SCAMP2: variants seen among roughly 807,000 people sequenced by gnomAD.
SCAMP2 encodes secretory carrier membrane protein 2.
SCAMP2 carries 25 observed loss-of-function variants against 44.1 expected under a neutral mutation model. The ratio of observed to expected loss-of-function variants is 0.57; its 90% CI spans 0.41 to 0.79. SCAMP2 has a LOEUF of 0.79. Among genes scored for constraint, SCAMP2 ranks in the 30% least tolerant of loss-of-function variants. The probability of loss-of-function intolerance (pLI) is 0.00; values close to 1 mark genes in which losing one functional copy is unlikely to be tolerated. For missense variants in SCAMP2, 355 were observed against 411.0 expected (o/e 0.86, Z 1.18); for synonymous variants, 156 against 166.0 (o/e 0.94, Z 0.46).
chr15:74,848,923 C>G lies in SCAMP2; in HGVS notation c.633-222G>C, dbSNP rs1341940443. Among the ~76,000 whole-genome samples the G allele has an allele frequency of 2.6e-5, 4 of 152,150 alleles. No individual in the cohort carries two copies. The East Asian group carries it at 7.7e-4, about 29-fold the overall frequency. On this transcript the variant is annotated intron_variant, in intron 6 of 8. Transcript: ENST00000268099. ...TGCCTTCCAATTTAAGGGGTCAGTG[C>G]TTGACCCCTTCCTCAAAGAGCTGAT...
chr15:74,853,706 A>T, intron 3 of SCAMP2: 1 of 460,944 alleles, frequency 2.2e-6, no homozygotes, highest in Non-Finnish European at 4.0e-6. Flanking sequence ...AAGAGAGAAC[A>T]AGCCAAAGGC....
chr15:74,850,029 C>T (rs928167685), intron 6 of SCAMP2, among the ~76,000 whole-genome samples: 1 of 152,152 alleles, frequency 6.6e-6, no homozygotes, highest in Non-Finnish European at 1.5e-5. Context: ...AGGTACAATT[C>T]CAGAACCCCT....
At chr15:74,865,018 G>C (rs1380721769) in intron 1 of SCAMP2, among the ~76,000 whole-genome samples, 2 of 145,962 alleles carry the variant, frequency 1.4e-5, no homozygotes, top group Non-Finnish European at 3.0e-5. Context: ...ACCCAGGAGA[G>C]GTGGAGGCTG....
rs1452591366 is a variant in SCAMP2 at position 74,844,999 on chromosome 15, A to G, written c.*84T>C. On this transcript the variant is annotated 3_prime_UTR_variant, in exon 9 of 9. Coordinates refer to ENST00000268099, the MANE Select transcript of SCAMP2 (RefSeq NM_005697.5). ...CCCTGCCAGGTCTGTGCTGGGCACA[A>G]CCACCACCACATAAGGCACCCACGG... 2.0e-6 allele frequency: 3 copies of G among 1,482,264 alleles called. No individual in the cohort carries two copies. Among genetic ancestry groups the G allele is most frequent in the East Asian group, 2.3e-5 (1 of 43,786 alleles). 91.8% of individuals were successfully genotyped at this position (1,482,264 alleles called of 1,614,324 possible). A position where few individuals can be genotyped will look rare whatever the true frequency, so the allele number is the denominator to read the frequency against.
At chr15:74,871,034 T>G (rs1596428142) in intron 1 of SCAMP2, among the ~76,000 whole-genome samples, 2 of 152,168 alleles carry the variant, frequency 1.3e-5, no homozygotes, top group African/African-American at 4.8e-5. Flanking sequence ...ACAAACAAGC[T>G]TCCCTAGAAC....
intron 1 of SCAMP2, among the ~76,000 whole-genome samples, chr15:74,859,156 C>T (rs1234862462): frequency 6.6e-6 from 1 of 152,058 alleles, no homozygotes; most frequent in Non-Finnish European, 1.5e-5. Flanking sequence ...CTAAGTTTCA[C>T]CTACAAGGAG....
intron 1 of SCAMP2, among the ~76,000 whole-genome samples, chr15:74,859,443 A>G (rs893893446): frequency 6.6e-6 from 1 of 152,020 alleles, no homozygotes; most frequent in Non-Finnish European, 1.5e-5. Context: ...GTGGGCTTCA[A>G]GAAAGGCCAG....
At chr15:74,856,844 C>A (rs1453672131) in intron 1 of SCAMP2, among the ~76,000 whole-genome samples, 1 of 152,090 alleles carries the variant, frequency 6.6e-6, no homozygotes, top group East Asian at 1.9e-4. Context: ...GGTCCTCCCA[C>A]CCTGGGCTCC....
At chr15:74,862,851 CAT>C (rs1331046608) in intron 1 of SCAMP2, among the ~76,000 whole-genome samples, 2 of 20,992 alleles carry the variant, frequency 9.5e-5, no homozygotes, top group South Asian at 1.4e-3. Context: ...AAAAACAAAC[CAT>C]ACACACACAC....
chr15:74,846,446 C>CA lies in SCAMP2; in HGVS notation c.735-854dup, dbSNP rs35643920. On this transcript the variant is annotated intron_variant, in intron 7 of 8. Coordinates refer to ENST00000268099, the MANE Select transcript of SCAMP2 (RefSeq NM_005697.5). Reference sequence around the variant, plus strand: ...GAGCAACAGAGTGAGACCCTGTCTCCAAAAAAAAAAAAAAAAGAAAAGAAA... The same window carrying CA: ...GAGCAACAGAGTGAGACCCTGTCTCCAAAAAAAAAAAAAAAAAGAAAAGAAA... 7.9e-3 allele frequency among the ~76,000 whole-genome samples: 859 copies of CA among 109,418 alleles called. 2 individuals carry two copies. The highest frequency in any genetic ancestry group is 0.028 in the Middle Eastern group (6 of 214). 71.8% of individuals were successfully genotyped at this position (109,418 alleles called of 152,430 possible). A position where few individuals can be genotyped will look rare whatever the true frequency, so the allele number is the denominator to read the frequency against.
At chr15:74,855,221 A>G (rs1233345897) in intron 1 of SCAMP2, among the ~76,000 whole-genome samples, 1 of 151,896 alleles carries the variant, frequency 6.6e-6, no homozygotes, top group Non-Finnish European at 1.5e-5. Context: ...CTCCTGCCTC[A>G]GCCTCCTGAG....
rs1406706570 is a variant in SCAMP2, at chr15:74,850,498, C to T, written c.632+16G>A. ...GCCAGCCATAAAGTCTCACCCCTTG[C>T]CCCGGCCTCACTCACCTAAAGGCCT... On this transcript the variant is annotated intron_variant, in intron 6 of 8. Transcript: ENST00000268099. 18 of 1,612,314 alleles carry T rather than the reference C, an allele frequency of 1.1e-5. No homozygotes were observed. Among genetic ancestry groups the T allele is most frequent in the Non-Finnish European group, 1.4e-5 (16 of 1,178,882 alleles).
At chr15:74,867,357 T>A (rs1402659837) in intron 1 of SCAMP2, among the ~76,000 whole-genome samples, 1 of 152,228 alleles carries the variant, frequency 6.6e-6, no homozygotes, top group African/African-American at 2.4e-5. Context: ...TTACCCCAAG[T>A]GTTTCCAAAG....
rs564768518 is a variant in SCAMP2 at position 74,855,416 on chromosome 15, G to A, written c.58-767C>T. Among the ~76,000 whole-genome samples the A allele has an allele frequency of 2.0e-5, 3 of 149,972 alleles. No individual in the cohort carries two copies. The East Asian group carries it at 6.3e-4, about 31-fold the overall frequency. ...CATGCCTGGCCATTCCTCTTATTTTGTAAAAGACAGTCTAAGGTAGCCGGG... is the reference window on the plus strand; with the variant it reads ...CATGCCTGGCCATTCCTCTTATTTTATAAAAGACAGTCTAAGGTAGCCGGG... On this transcript the variant is annotated intron_variant, in intron 1 of 8. Transcript: ENST00000268099.
intron 1 of SCAMP2, among the ~76,000 whole-genome samples, chr15:74,869,319 CCAAT>C (rs1285991583): frequency 1.3e-5 from 2 of 151,456 alleles, no homozygotes; most frequent in African/African-American, 4.9e-5. Context: ...AAAAAAAAAA[CCAAT>C]AATAAAAAAT....
At chr15:74,869,930 C>T (rs1300501086) in intron 1 of SCAMP2, among the ~76,000 whole-genome samples, 1 of 152,184 alleles carries the variant, frequency 6.6e-6, no homozygotes, top group Non-Finnish European at 1.5e-5. Context: ...CTCCCAACGT[C>T]CTAGCCCTGG....
At chr15:74,856,738 CAT>C (rs968803730) in intron 1 of SCAMP2, among the ~76,000 whole-genome samples, 34 of 152,062 alleles carry the variant, frequency 2.2e-4, no homozygotes, top group Admixed American at 1.3e-4. Context: ...GGACTACACA[CAT>C]GAGCCACCAG....
Position 74,862,296 on chromosome 15 carries a change from G to A in SCAMP2, c.58-7647C>T. Reference sequence around the variant, plus strand: ...AAAAAAAAAAAAAAAAAAATTCCTGGCCAGGTGCAATGGCTCACACCTATA... The same window carrying A: ...AAAAAAAAAAAAAAAAAAATTCCTGACCAGGTGCAATGGCTCACACCTATA... On this transcript the variant is annotated intron_variant, in intron 1 of 8. Coordinates refer to ENST00000268099, the MANE Select transcript of SCAMP2 (RefSeq NM_005697.5). Among the ~76,000 whole-genome samples the A allele has an allele frequency of 2.2e-5, 2 of 92,164 alleles. 1 individual carries two copies. The highest frequency in any genetic ancestry group is 4.6e-5 in the Non-Finnish European group (2 of 43,774). 60.5% of individuals were successfully genotyped at this position (92,164 alleles called of 152,430 possible).
intron 1 of SCAMP2, among the ~76,000 whole-genome samples, chr15:74,865,097 A>C (rs2064533337): frequency 8.6e-6 from 1 of 115,718 alleles, no homozygotes; most frequent in Admixed American, 9.7e-5. Flanking sequence ...AAAAAAAAAA[A>C]AGGCCAGGCA....
Sources: allele counts gnomAD v4.1 joint callset (sites outside exome capture counted in the v4.1 genomes callset), GRCh38; gene constraint gnomAD v4.1.1; transcripts MANE v1.5; gene names NCBI Gene and HGNC (gene_info 2026-07-23, HGNC 2026-07-21).